Variants in DPYSL4 observed in about 807,000 individuals in gnomAD.
DPYSL4 encodes the protein dihydropyrimidinase-related protein 4.
A neutral mutation model predicts 63.4 loss-of-function variants in DPYSL4; 43 were observed. The ratio of observed to expected loss-of-function variants is 0.68; its 90% CI spans 0.53 to 0.88. DPYSL4 has a LOEUF of 0.88. DPYSL4 is among the 40% of genes least tolerant of loss of function. The pLI is 0.00. For synonymous variants in DPYSL4, 353 were observed against 331.7 expected, an observed-to-expected ratio of 1.06 and a Z score of -0.70; for missense variants, 733 against 819.5, an observed-to-expected ratio of 0.89 and a Z score of 1.29.
At chr10:132,196,792 G>T in intron 4 of DPYSL4, 69 bp from the exon 5 acceptor site, 1 of 1,571,584 alleles carries the variant, frequency 6.4e-7, no homozygotes, top group South Asian at 1.1e-5. Context: ...CAGTGGGCAG[G>T]AGCAGCAGAG....
intron 1 of DPYSL4, among the ~76,000 whole-genome samples, chr10:132,188,528 C>T (rs1214649601): frequency 6.6e-6 from 1 of 152,180 alleles, no homozygotes; most frequent in South Asian, 2.1e-4. Flanking sequence ...ATGGTGGTGC[C>T]GGGTCAGGGC....
In DPYSL4 at chr10:132,190,824, T is replaced by C; in HGVS notation, c.117T>C (p.Asp39=). The stretch of plus-strand genomic sequence containing the variant: ...TTTACGCTGATGTGCACGTGGAAGA[T>C]GGCTTGATAAAGTAAGTTTCCGCCG... ...QSFYADVHVE[D]GLIKQIGENL... Residue 39 remains aspartate (D), a synonymous_variant, in exon 2 of 14, where the codon GAT becomes GAC. Coordinates refer to ENST00000338492, the MANE Select transcript of DPYSL4 (RefSeq NM_006426.3). 6.2e-7 allele frequency: 1 copy of C among 1,613,230 alleles called. No homozygotes were observed. Among genetic ancestry groups the C allele is most frequent in the Non-Finnish European group, 8.5e-7 (1 of 1,179,484 alleles).
intron 11 of DPYSL4, among the ~76,000 whole-genome samples, 165 bp downstream of exon 11, chr10:132,202,281 G>A (rs2062028630): frequency 6.6e-6 from 1 of 152,270 alleles, no homozygotes; most frequent in Non-Finnish European, 1.5e-5. Context: ...ACTGAAATGG[G>A]CCCTGTCCAC....
Position 132,190,468 on chromosome 10 carries a change from C to A in DPYSL4, c.40-279C>A, listed in dbSNP as rs940529539. Among the ~76,000 whole-genome samples, 3 of 152,248 alleles carry A rather than the reference C, an allele frequency of 2.0e-5. No homozygotes were observed. The South Asian group carries it at 6.2e-4, about 31-fold the overall frequency. On this transcript the variant is annotated intron_variant, in intron 1 of 13. Transcript: ENST00000338492. ...GGTAAATCAGAAGATATAAATATGA[C>A]CTGTGGCACTACCACACTTTCACCA... is the stretch of plus-strand genomic sequence containing the variant.
intron 3 of DPYSL4, 107 bp downstream of exon 3, chr10:132,192,949 C>G: frequency 8.7e-7 from 1 of 1,143,314 alleles, no homozygotes; most frequent in Admixed American, 2.9e-5. Flanking sequence ...GTGCCTTTCT[C>G]AGCTGTCTGC....
chr10:132,204,725 G>A (rs892068668), intron 13 of DPYSL4, 114 bp from the exon 14 acceptor site: 1 of 829,220 alleles, frequency 1.2e-6, no homozygotes, highest in Non-Finnish European at 1.8e-6. Context: ...AGGTGTGCGG[G>A]GGCTCTGCAG....
At chr10:132,200,244 G>A (rs2061994853) in intron 8 of DPYSL4, 112 bp from the exon 9 acceptor site, 1 of 1,380,028 alleles carries the variant, frequency 7.2e-7, no homozygotes, top group Non-Finnish European at 1.0e-6. Flanking sequence ...GGCACAAGCT[G>A]TCCCAGGCAA....
In DPYSL4 at chr10:132,205,670, C is replaced by G. The variant is rs1175760873; in HGVS notation, c.*740C>G. 1 of 152,274 alleles carries G rather than the reference C, an allele frequency of 6.6e-6. No individual in the cohort carries two copies. The highest frequency in any genetic ancestry group is 2.4e-5 in the African/African-American group (1 of 41,446). The allele number at this position is 152,274 out of a possible 1,614,324, so 9.4% of individuals were successfully genotyped here. A position where few individuals can be genotyped will look rare whatever the true frequency, so the allele number is the denominator to read the frequency against. The stretch of plus-strand genomic sequence containing the variant: ...CTTTGTACACTGAGGACACTGTAGC[C>G]AGGAACCTGTGCATGCCACCCACCG... On this transcript the variant is annotated 3_prime_UTR_variant, in exon 14 of 14. Coordinates refer to ENST00000338492, the MANE Select transcript of DPYSL4 (RefSeq NM_006426.3).
chr10:132,199,578 G>A (rs749523675), intron 8 of DPYSL4, among the ~76,000 whole-genome samples: 9 of 151,944 alleles, frequency 5.9e-5, no homozygotes, highest in Middle Eastern at 6.8e-3. Context: ...TCCCCTAGGC[G>A]GCCTCTGGAT....
chr10:132,203,932 G>A lies in DPYSL4; in HGVS notation c.1627+5G>A. ...AGTCGGGGTTCAGCCTATCTGGTGAGTTGGGCCTGGGGCACCAGTGGGGGT... is the reference window on the plus strand; with the variant it reads ...AGTCGGGGTTCAGCCTATCTGGTGAATTGGGCCTGGGGCACCAGTGGGGGT... On this transcript the variant is annotated splice_donor_5th_base_variant and intron_variant, in intron 13 of 13. Transcript: ENST00000338492. 1 of 1,593,116 alleles carries A rather than the reference G, an allele frequency of 6.3e-7. No individual in the cohort carries two copies.
At position 132,204,963 on chromosome 10, in the gene DPYSL4, C is replaced by T. The variant is rs1434703818; in HGVS notation, c.*33C>T. ...GGACCGGCCCTGTGAGCCGTGCTGG[C>T]CCCACCCGAGGCCGCGGGGGCCCCA... On this transcript the variant is annotated 3_prime_UTR_variant, in exon 14 of 14. Coordinates refer to ENST00000338492, the MANE Select transcript of DPYSL4 (RefSeq NM_006426.3). 3.2e-6 allele frequency: 5 copies of T among 1,562,510 alleles called. No individual in the cohort carries two copies. Among genetic ancestry groups the T allele is most frequent in the Non-Finnish European group, 4.3e-6 (5 of 1,153,642 alleles).
Position 132,198,447 on chromosome 10 carries a change from T to C in DPYSL4, c.654T>C (p.Thr218=). 3 of 1,607,282 alleles carry C rather than the reference T, an allele frequency of 1.9e-6. No individual in the cohort carries two copies. Among genetic ancestry groups the C allele is most frequent in the South Asian group, 2.2e-5 (2 of 89,820 alleles). ...EQKRLLELGI[T]GPEGHVLSHP... ...AGCGGTTGCTGGAGCTCGGCATCACTGGCCCCGAGGGCCACGTGCTCAGCC... is the reference window on the plus strand; with the variant it reads ...AGCGGTTGCTGGAGCTCGGCATCACCGGCCCCGAGGGCCACGTGCTCAGCC... Residue 218 remains threonine (T), a synonymous_variant, in exon 7 of 14, where the codon ACT becomes ACC. Transcript: ENST00000338492.
chr10:132,187,336 GCCCGGC>G, intron 1 of DPYSL4, among the ~76,000 whole-genome samples: 7 of 21,262 alleles, frequency 3.3e-4, no homozygotes, highest in Non-Finnish European at 6.7e-4. Context: ...GCCCGGCCCG[GCCCGGC>G]CCTGCCCGGC....
At chr10:132,202,913 C>G (rs1029922666) in intron 12 of DPYSL4, 88 bp downstream of exon 12, 1 of 1,474,208 alleles carries the variant, frequency 6.8e-7, no homozygotes, top group Middle Eastern at 1.8e-4. Flanking sequence ...CAACCTGGCC[C>G]GGCCTCCCGA....
Position 132,195,147 on chromosome 10 carries a change from C to T in DPYSL4, c.478+138C>T, listed in dbSNP as rs2061926608. On this transcript the variant is annotated intron_variant, in intron 4 of 13. Coordinates refer to ENST00000338492, the MANE Select transcript of DPYSL4 (RefSeq NM_006426.3). ...GTTTGAGTGGAAGTTGGAGAAAAGT[C>T]ATTTGAAGGCCCATCCCACCTTCAA... is the stretch of plus-strand genomic sequence containing the variant. 8 of 1,015,900 alleles carry T rather than the reference C, an allele frequency of 7.9e-6. No homozygotes were observed. The Admixed American group carries it at 2.4e-4, about 30-fold the overall frequency. The allele number at this position is 1,015,900 out of a possible 1,614,324, so 62.9% of individuals were successfully genotyped here.
At chr10:132,187,141 C>T in intron 1 of DPYSL4, 39 bp downstream of exon 1, 2 of 1,489,420 alleles carry the variant, frequency 1.3e-6, no homozygotes, top group Admixed American at 2.0e-5. Context: ...CCCCTGCCCG[C>T]CGCCCGGAGT....
intron 11 of DPYSL4, 104 bp downstream of exon 11, chr10:132,202,220 A>G (rs945144182): frequency 7.9e-5 from 114 of 1,441,772 alleles, no homozygotes; most frequent in Non-Finnish European, 1.0e-4. Context: ...TGGCAGCAGC[A>G]GTGGCCTCAG....
intron 10 of DPYSL4, 64 bp from the exon 11 acceptor site, chr10:132,201,882 G>T: frequency 6.5e-7 from 1 of 1,537,516 alleles, no homozygotes. Flanking sequence ...CCCAGTGTCT[G>T]TCCTCGCGCA....
intron 3 of DPYSL4, among the ~76,000 whole-genome samples, chr10:132,194,205 G>A (rs1422490654): frequency 6.6e-6 from 1 of 152,266 alleles, no homozygotes; most frequent in African/African-American, 2.4e-5. Flanking sequence ...CCGAGGGAGG[G>A]CTGTGCTGGA....
Sources: gnomAD v4.1 joint callset for allele counts (sites outside exome capture counted in the v4.1 genomes callset) on GRCh38, gnomAD v4.1.1 for gene constraint, MANE v1.5 for transcripts, NCBI Gene and HGNC (gene_info 2026-07-23, HGNC 2026-07-21) for gene names.